Variants in CRISPLD1 observed in about 807,000 individuals in gnomAD.
The protein encoded by CRISPLD1 is cysteine rich secretory protein LCCL domain containing 1.
CRISPLD1 carries 60 observed loss-of-function variants against 77.5 expected under a neutral mutation model. The ratio of observed to expected loss-of-function variants is 0.77; its 90% CI spans 0.63 to 0.96. The LOEUF (loss-of-function observed/expected upper bound fraction) is 0.96, where lower values mean the gene tolerates loss of function less well. Ranked by LOEUF, CRISPLD1 falls within the 40% of genes least tolerant of loss-of-function variation. CRISPLD1 has a pLI of 0.00. For synonymous variants in CRISPLD1, 195 were observed against 200.1 expected (o/e 0.97, Z 0.22); for missense variants, 623 against 615.8 (o/e 1.01, Z -0.12).
In CRISPLD1 at chr8:75,016,604, C is replaced by T. The variant is rs1259582611; in HGVS notation, c.767C>T (p.Thr256Ile). ...TATTATCCCCCTCGAGAAGAGGAAA[C>T]AAATGAAATAGAACGACAGCAGTCA... is the stretch of plus-strand genomic sequence containing the variant. ...DRYYPPREEETNEIERQQSQV... is the reference protein window; with the variant it reads ...DRYYPPREEEINEIERQQSQV... The change falls in exon 7 of 15, where the codon ACA becomes ATA. Residue 256 changes from threonine (T) to isoleucine (I), a missense_variant. Coordinates refer to ENST00000262207, the MANE Select transcript of CRISPLD1 (RefSeq NM_031461.6). 6.2e-7 allele frequency: 1 copy of T among 1,613,112 alleles called. No individual in the cohort carries two copies. Among genetic ancestry groups the T allele is most frequent in the Non-Finnish European group, 8.5e-7 (1 of 1,179,350 alleles).
At chr8:74,995,620 A>G (rs1374981662) in intron 2 of CRISPLD1, among the ~76,000 whole-genome samples, 4 of 152,186 alleles carry the variant, frequency 2.6e-5, no homozygotes, top group South Asian at 2.1e-4. Context: ...GACTACAGCA[A>G]TGTGCCACTA....
intron 2 of CRISPLD1, among the ~76,000 whole-genome samples, chr8:75,006,305 T>G (rs1368559075): frequency 6.6e-6 from 1 of 152,194 alleles, no homozygotes; most frequent in Non-Finnish European, 1.5e-5. Flanking sequence ...CTTTTTGGCA[T>G]TTATCTTGGA....
chr8:75,032,445 G>T lies in CRISPLD1; in HGVS notation c.*203G>T, dbSNP rs1333653599. 11 of 403,280 alleles carry T rather than the reference G, an allele frequency of 2.7e-5. No homozygotes were observed. Among genetic ancestry groups the T allele is most frequent in the Non-Finnish European group, 4.0e-5 (9 of 223,558 alleles). The allele number at this position is 403,280 out of a possible 1,614,324, so 25.0% of individuals were successfully genotyped here. ...TTGGGAAAAGTAATGAAAATATAAT[G>T]GTTTTAGAAATCCTGTGTTAAATAT... On this transcript the variant is annotated 3_prime_UTR_variant, in exon 15 of 15. Coordinates refer to ENST00000262207, the MANE Select transcript of CRISPLD1 (RefSeq NM_031461.6).
intron 12 of CRISPLD1, among the ~76,000 whole-genome samples, chr8:75,021,692 A>G (rs1308479809): frequency 6.6e-6 from 1 of 152,172 alleles, no homozygotes; most frequent in East Asian, 1.9e-4. Flanking sequence ...GTCTTAGTCA[A>G]TTTTGGAGAA....
At chr8:75,020,318 G>A (rs1813111288) in intron 12 of CRISPLD1, among the ~76,000 whole-genome samples, 1 of 152,192 alleles carries the variant, frequency 6.6e-6, no homozygotes, top group Non-Finnish European at 1.5e-5. Flanking sequence ...GTTCATCTGT[G>A]ATACAAAGAG....
rs1813191951 is a variant in CRISPLD1 at position 75,024,142 on chromosome 8, G to A, written c.1245-1404G>A. Among the ~76,000 whole-genome samples the A allele has an allele frequency of 1.3e-5, 2 of 152,170 alleles. 1 individual carries two copies. Among genetic ancestry groups the A allele is most frequent in the South Asian group, 4.1e-4 (2 of 4,832 alleles). On this transcript the variant is annotated intron_variant, in intron 12 of 14. Transcript: ENST00000262207. ...TTTGAGGAATAACCATTAGGCCCATGTGACTGGAGCAGGGTGAGAAAGTGG... is the reference window on the plus strand; with the variant it reads ...TTTGAGGAATAACCATTAGGCCCATATGACTGGAGCAGGGTGAGAAAGTGG...
intron 2 of CRISPLD1, among the ~76,000 whole-genome samples, chr8:74,997,083 C>A (rs185824981): frequency 6.6e-6 from 1 of 152,132 alleles, no homozygotes; most frequent in Admixed American, 6.5e-5. Flanking sequence ...TGGAAAAGCA[C>A]TGGACAGTTT....
intron 14 of CRISPLD1, among the ~76,000 whole-genome samples, chr8:75,029,765 A>C (rs68012877): frequency 0.37 from 55,658 of 151,656 alleles, 11,388 homozygotes; most frequent in African/African-American, 0.56. Flanking sequence ...AGTCAGAACT[A>C]CTCTTTTGTT....
chr8:74,996,594 C>CT (rs1812649032), intron 2 of CRISPLD1, among the ~76,000 whole-genome samples: 1 of 150,082 alleles, frequency 6.7e-6, no homozygotes, highest in Non-Finnish European at 1.5e-5. Flanking sequence ...GGCACAAAGT[C>CT]TTTAAGTCAG....
intron 2 of CRISPLD1, among the ~76,000 whole-genome samples, chr8:74,999,118 G>A (rs1812694036): frequency 1.3e-5 from 2 of 151,952 alleles, no homozygotes; most frequent in African/African-American, 4.8e-5. Context: ...TTATTAAACT[G>A]GCTAAAAATA....
chr8:75,011,131 T>G (rs1387333507), intron 2 of CRISPLD1, among the ~76,000 whole-genome samples: 1 of 151,486 alleles, frequency 6.6e-6, no homozygotes, highest in Non-Finnish European at 1.5e-5. Flanking sequence ...TCTTTATTAT[T>G]ATTATTATTA....
intron 2 of CRISPLD1, among the ~76,000 whole-genome samples, chr8:75,011,536 C>T (rs1484400561): frequency 1.3e-5 from 2 of 151,968 alleles, no homozygotes; most frequent in Non-Finnish European, 2.9e-5. Context: ...TACCAGCACA[C>T]ATACTATACT....
chr8:75,000,191 T>C, intron 2 of CRISPLD1: 1 of 985,200 alleles, frequency 1.0e-6, no homozygotes, highest in Non-Finnish European at 1.2e-6. Context: ...CTGCTGGTAA[T>C]AAAACATGAA....
intron 2 of CRISPLD1, among the ~76,000 whole-genome samples, chr8:75,008,406 T>C (rs74374510): frequency 0.057 from 8,707 of 152,256 alleles, 521 homozygotes; most frequent in African/African-American, 0.16. Context: ...CTACACTTAA[T>C]GGGGTGGGTA....
At chr8:74,994,428 G>A (rs541365320) in intron 2 of CRISPLD1, among the ~76,000 whole-genome samples, 71 of 152,146 alleles carry the variant, frequency 4.7e-4, no homozygotes, top group Admixed American at 2.0e-3. Flanking sequence ...AAAACTGATG[G>A]CAGTTTCCAC....
At chr8:75,001,357 C>G (rs1461744824) in intron 2 of CRISPLD1, among the ~76,000 whole-genome samples, 4 of 152,216 alleles carry the variant, frequency 2.6e-5, no homozygotes, top group Admixed American at 2.0e-4. Context: ...ACATCTCTGT[C>G]TCATGATTTG....
chr8:75,013,126 A>T, intron 4 of CRISPLD1, 104 bp downstream of exon 4: 8 of 909,590 alleles, frequency 8.8e-6, no homozygotes, highest in Non-Finnish European at 1.2e-5. Context: ...TATGGTTATT[A>T]AAAAAATTTA....
intron 2 of CRISPLD1, among the ~76,000 whole-genome samples, chr8:74,996,877 C>T (rs571034587): frequency 6.6e-6 from 1 of 151,886 alleles, no homozygotes; most frequent in East Asian, 1.9e-4. Context: ...ACCACCACAC[C>T]CAGCTAATTT....
At chr8:74,993,428 TA>T (rs1031061166) in intron 2 of CRISPLD1, among the ~76,000 whole-genome samples, 1 of 152,232 alleles carries the variant, frequency 6.6e-6, no homozygotes, top group African/African-American at 2.4e-5. Context: ...ATTCTGAATT[TA>T]AAATAGCTTA....
Sources: gnomAD v4.1 joint callset for allele counts (sites outside exome capture counted in the v4.1 genomes callset) on GRCh38, gnomAD v4.1.1 for gene constraint, MANE v1.5 for transcripts, NCBI Gene and HGNC (gene_info 2026-07-23, HGNC 2026-07-21) for gene names.